ACTN1: variants seen among roughly 807,000 people sequenced by gnomAD.
ACTN1 encodes alpha-actinin-1.
Under a neutral mutation model 119.6 loss-of-function variants are expected in ACTN1, and 30 were observed. The ratio of observed to expected loss-of-function variants is 0.25; its 90% CI spans 0.19 to 0.34. The LOEUF (loss-of-function observed/expected upper bound fraction) is 0.34. ACTN1 is among the 10% of genes least tolerant of loss of function. The pLI is 1.00. For synonymous variants in ACTN1, 429 were observed against 472.6 expected, an observed-to-expected ratio of 0.91 and a Z score of 1.20; for missense variants, 764 against 1,223.4, an observed-to-expected ratio of 0.62 and a Z score of 5.60.
rs2031314012 is a variant in ACTN1 at position 68,879,733 on chromosome 14, CCA to C, written c.2280+227_2280+228del. 1.9e-6 allele frequency: 1 copy of C among 520,640 alleles called. No individual in the cohort carries two copies. Among genetic ancestry groups the C allele is most frequent in the Non-Finnish European group, 3.4e-6 (1 of 295,546 alleles). The allele number at this position is 520,640 out of a possible 1,614,324, so 32.3% of individuals were successfully genotyped here. ...CAGGGGTCAAAGGTCCTCTTTCTAC[CCA>C]CAGTCTGAACACTCTCTCCCGGAAA... On this transcript the variant is annotated intron_variant, in intron 18 of 21. Coordinates refer to ENST00000394419, the MANE Select transcript of ACTN1 (RefSeq NM_001130004.2). This position sits in a 1 kb window ranked among gnomAD's most constrained non-coding sequence, Gnocchi z 4.9.
At chr14:68,876,843 G>A (rs1373942977) in intron 21 of ACTN1, among the ~76,000 whole-genome samples, 1 of 152,146 alleles carries the variant, frequency 6.6e-6, no homozygotes, top group Non-Finnish European at 1.5e-5. Flanking sequence ...TCCCAGCTAT[G>A]GAGTCCCTCA....
At chr14:68,892,322 C>T (rs754666085) in intron 9 of ACTN1, 39 bp from the exon 10 acceptor site, 42 of 1,576,918 alleles carry the variant, frequency 2.7e-5, no homozygotes, top group African/African-American at 4.0e-5. Flanking sequence ...GGTGAGGAGG[C>T]GGGGAGGGAG....
intron 1 of ACTN1, among the ~76,000 whole-genome samples, chr14:68,936,058 T>C (rs1303230222): frequency 6.7e-6 from 1 of 148,762 alleles, no homozygotes; most frequent in Non-Finnish European, 1.5e-5. Context: ...CCAGCTCTGC[T>C]AGCGCAAACA....
intron 1 of ACTN1, among the ~76,000 whole-genome samples, chr14:68,947,826 C>A (rs983488647): frequency 2.0e-5 from 3 of 152,216 alleles, no homozygotes; most frequent in African/African-American, 7.2e-5. Flanking sequence ...AAATAGCAAT[C>A]CGGAGCAGTG....
chr14:68,886,281 C>T (rs2031998095), intron 11 of ACTN1: 1 of 152,192 alleles, frequency 6.6e-6, no homozygotes, highest in Admixed American at 6.5e-5. Flanking sequence ...TATGCTCGGC[C>T]CATCTCAATA....
At chr14:68,914,789 AAAAC>A (rs962517374) in intron 3 of ACTN1, among the ~76,000 whole-genome samples, 4 of 152,132 alleles carry the variant, frequency 2.6e-5, no homozygotes, top group African/African-American at 9.7e-5. Context: ...AAAACAAAAC[AAAAC>A]AAACAAAAAA....
intron 3 of ACTN1, among the ~76,000 whole-genome samples, chr14:68,917,905 A>C (rs751025423): frequency 5.3e-5 from 8 of 152,106 alleles, no homozygotes; most frequent in Non-Finnish European, 1.0e-4. Flanking sequence ...ATCTGTACTA[A>C]AAATACAAAA....
At chr14:68,875,169 T>C (rs2030754060) in intron 21 of ACTN1, 152 bp from the exon 22 acceptor site, 7 of 1,523,668 alleles carry the variant, frequency 4.6e-6, no homozygotes, top group Middle Eastern at 1.7e-4. Flanking sequence ...CGGACGTAAA[T>C]ATCCACACAT....
intron 1 of ACTN1, among the ~76,000 whole-genome samples, chr14:68,955,362 G>T (rs1359482594): frequency 6.6e-6 from 1 of 152,134 alleles, no homozygotes; most frequent in African/African-American, 2.4e-5. Flanking sequence ...AAATGATCCA[G>T]TCTCATGACA....
In ACTN1 at chr14:68,909,607, C is replaced by T. The variant is rs1006363332; in HGVS notation, c.516-211G>A. ...GACTTTGTGGGGGGGTTGACAAGTTCAGATAAACCTGCCATATCCAGCCCT... is the reference window on the plus strand; with the variant it reads ...GACTTTGTGGGGGGGTTGACAAGTTTAGATAAACCTGCCATATCCAGCCCT... On this transcript the variant is annotated intron_variant, in intron 5 of 21. Transcript: ENST00000394419. This position sits in a 1 kb window ranked among gnomAD's most constrained non-coding sequence, Gnocchi z 4.1. Among the ~76,000 whole-genome samples, 1 of 152,108 alleles carries T rather than the reference C, an allele frequency of 6.6e-6. No homozygotes were observed. Among genetic ancestry groups the T allele is most frequent in the Non-Finnish European group, 1.5e-5 (1 of 68,026 alleles).
In ACTN1 at chr14:68,882,543, G is replaced by A. The variant is rs868013490; in HGVS notation, c.1868C>T (p.Ala623Val). 2.5e-6 allele frequency: 4 copies of A among 1,614,174 alleles called. No individual in the cohort carries two copies. The highest frequency in any genetic ancestry group is 3.4e-6 in the Non-Finnish European group (4 of 1,180,040). ...RRDQALTEEH[A>V]RQQHNERLRK... ...TAGCCTCTCATTGTGCTGCTGTCGG[G>A]CATGCTCCTCCGTCAGAGCTTGGTC... The change falls in exon 16 of 22, where the codon GCC becomes GTC. Residue 623 changes from alanine to valine, a missense_variant. This residue lies in a region of ACTN1 where 544 missense variants were observed against 912.0 expected (regional missense o/e 0.60). Coordinates refer to ENST00000394419, the MANE Select transcript of ACTN1 (RefSeq NM_001130004.2). The surrounding 1 kb of genome is among the most constrained non-coding windows in gnomAD (Gnocchi z 4.5).
rs573428570 is a variant in ACTN1 at position 68,943,734 on chromosome 14, TGCGCCATCTCA to T, written c.106-18073_106-18063del. Among the ~76,000 whole-genome samples the T allele has an allele frequency of 2.0e-3, 304 of 152,284 alleles. 2 individuals carry two copies. The highest frequency in any genetic ancestry group is 3.4e-3 in the Non-Finnish European group (233 of 68,020). Reference sequence around the variant, plus strand: ...CACTGTTATCATCACCCACGAGGCATGCGCCATCTCAGCAAGTCCACTCAACAATTCTAGGT... The same window carrying T: ...CACTGTTATCATCACCCACGAGGCATGCAAGTCCACTCAACAATTCTAGGT... On this transcript the variant is annotated intron_variant, in intron 1 of 21. Coordinates refer to ENST00000394419, the MANE Select transcript of ACTN1 (RefSeq NM_001130004.2).
chr14:68,909,492 T>C lies in ACTN1; in HGVS notation c.516-96A>G, dbSNP rs2033872151. Reference sequence around the variant, plus strand: ...AGGGGCCTCCTAGACACCAGAGAGATGAACACATAGAGCTTTCTGGGGTAG... The same window carrying C: ...AGGGGCCTCCTAGACACCAGAGAGACGAACACATAGAGCTTTCTGGGGTAG... On this transcript the variant is annotated intron_variant, in intron 5 of 21. Transcript: ENST00000394419. The surrounding 1 kb of genome is among the most constrained non-coding windows in gnomAD (Gnocchi z 4.1). The C allele has an allele frequency of 2.7e-6, 3 of 1,105,624 alleles. No homozygotes were observed. Among genetic ancestry groups the C allele is most frequent in the Admixed American group, 2.0e-5 (1 of 51,136 alleles). The allele number at this position is 1,105,624 out of a possible 1,614,324, so 68.5% of individuals were successfully genotyped here.
intron 16 of ACTN1, among the ~76,000 whole-genome samples, chr14:68,881,955 T>TTTTTGTGA (rs58500225): frequency 2.9e-5 from 3 of 103,002 alleles, no homozygotes; most frequent in African/African-American, 1.3e-4. Context: ...TTTTTTTTTT[T>TTTTTGTGA]GACAGAGTCT....
chr14:68,963,178 T>C (rs923778933), intron 1 of ACTN1, among the ~76,000 whole-genome samples: 1 of 152,186 alleles, frequency 6.6e-6, no homozygotes, highest in African/African-American at 2.4e-5. Flanking sequence ...TTAGCTCACA[T>C]GATCACCTCC....
chr14:68,897,313 T>G lies in ACTN1; in HGVS notation c.763-3566A>C, dbSNP rs41515544. On this transcript the variant is annotated intron_variant, in intron 8 of 21. Coordinates refer to ENST00000394419, the MANE Select transcript of ACTN1 (RefSeq NM_001130004.2). ...TTTTCATGTTTTTTTATGACCTACT[T>G]TAAGCTGCGCTATTATACAACTTAA... Among the ~76,000 whole-genome samples, 1,247 of 152,324 alleles carry G rather than the reference T, an allele frequency of 8.2e-3. 34 individuals carry two copies. The highest frequency in any genetic ancestry group is 0.066 in the East Asian group (340 of 5,190).
At chr14:68,942,567 C>T (rs1228122227) in intron 1 of ACTN1, among the ~76,000 whole-genome samples, 1 of 152,172 alleles carries the variant, frequency 6.6e-6, no homozygotes, top group Non-Finnish European at 1.5e-5. Context: ...AGGAGAGTTC[C>T]TCTTCAGCTG....
At chr14:68,920,896 C>G in intron 3 of ACTN1, 110 bp downstream of exon 3, 4 of 1,442,874 alleles carry the variant, frequency 2.8e-6, no homozygotes, top group Non-Finnish European at 3.8e-6. Flanking sequence ...GACCCACTGC[C>G]CAATGCCCCC....
chr14:68,941,794 G>A (rs143670452), intron 1 of ACTN1, among the ~76,000 whole-genome samples: 24 of 152,250 alleles, frequency 1.6e-4, no homozygotes, highest in Admixed American at 1.0e-3. Flanking sequence ...AGCATCAAGG[G>A]ATCATGGGGG....
Sources: allele counts gnomAD v4.1 joint callset (sites outside exome capture counted in the v4.1 genomes callset), GRCh38; gene constraint gnomAD v4.1.1; regional missense constraint gnomAD v4.1.1; non-coding constraint Gnocchi (gnomAD v3.1); transcripts MANE v1.5; gene names NCBI Gene and HGNC (gene_info 2026-07-23, HGNC 2026-07-21).